Variants in ELAVL2 observed in about 807,000 individuals in gnomAD.
ELAVL2 encodes ELAV-like protein 2.
In ELAVL2, 4 loss-of-function variants were observed where a neutral mutation model predicts 34.6. That is an observed-to-expected ratio of 0.12 (90% confidence interval 0.06 to 0.26). ELAVL2 has a LOEUF of 0.26. ELAVL2 is among the 10% of genes least tolerant of loss of function. The pLI is 1.00. For synonymous variants in ELAVL2, 193 were observed against 154.8 expected, an observed-to-expected ratio of 1.25 and a Z score of -1.83; for missense variants, 432 against 442.8, an observed-to-expected ratio of 0.98 and a Z score of 0.22.
chr9:23,812,687 TAC>T (rs2063167930), intron 1 of ELAVL2, among the ~76,000 whole-genome samples: 1 of 150,886 alleles, frequency 6.6e-6, no homozygotes. Context: ...TTTAAAATCA[TAC>T]ACAGTTAATT....
At chr9:23,728,122 C>T (rs1438571373) in intron 3 of ELAVL2, among the ~76,000 whole-genome samples, 1 of 151,970 alleles carries the variant, frequency 6.6e-6, no homozygotes, top group Non-Finnish European at 1.5e-5. Flanking sequence ...ATTGTATGAC[C>T]ACCAAGATCT....
In ELAVL2 at chr9:23,751,878, G is replaced by C. The variant is rs115511581; in HGVS notation, c.229+10128C>G. On this transcript the variant is annotated intron_variant, in intron 2 of 6. Transcript: ENST00000397312. ...TCCGGTGCTCTAGTTCATAAAGGCT[G>C]GTGTAATATCATTAATCATCATTCT... Among the ~76,000 whole-genome samples the C allele has an allele frequency of 9.0e-3, 1,371 of 152,180 alleles. 16 individuals are homozygous for C. The highest frequency in any genetic ancestry group is 0.03 in the African/African-American group (1,258 of 41,536).
At chr9:23,698,056 C>T (rs183426413) in intron 5 of ELAVL2, among the ~76,000 whole-genome samples, 5 of 152,256 alleles carry the variant, frequency 3.3e-5, no homozygotes, top group Admixed American at 6.5e-5. Context: ...GCAACCAGTA[C>T]GTCATGCCTT....
intron 1 of ELAVL2, among the ~76,000 whole-genome samples, chr9:23,779,060 G>A (rs922516458): frequency 1.3e-5 from 2 of 152,146 alleles, no homozygotes; most frequent in Non-Finnish European, 2.9e-5. Context: ...GCAGTGAGTA[G>A]GGCAGCACAC....
At chr9:23,716,573 TGTC>T (rs1198338843) in intron 3 of ELAVL2, among the ~76,000 whole-genome samples, 1 of 152,202 alleles carries the variant, frequency 6.6e-6, no homozygotes, top group African/African-American at 2.4e-5. Context: ...AGGTCTTCAC[TGTC>T]TCTTATAAGC....
At chr9:23,766,477 T>G (rs1356587099) in intron 1 of ELAVL2, among the ~76,000 whole-genome samples, 1 of 152,100 alleles carries the variant, frequency 6.6e-6, no homozygotes, top group African/African-American at 2.4e-5. Context: ...TAAACATTGC[T>G]CACTACATAA....
intron 3 of ELAVL2, among the ~76,000 whole-genome samples, chr9:23,713,850 T>C (rs1259518538): frequency 1.3e-5 from 2 of 152,144 alleles, no homozygotes; most frequent in Non-Finnish European, 2.9e-5. Flanking sequence ...AACCCTCCCA[T>C]GTTAAGGAGT....
At chr9:23,748,173 G>A (rs1013111064) in intron 2 of ELAVL2, among the ~76,000 whole-genome samples, 2 of 151,266 alleles carry the variant, frequency 1.3e-5, no homozygotes, top group Non-Finnish European at 2.9e-5. Flanking sequence ...TTCCTTGAGG[G>A]GTAGGGGGAA....
intron 2 of ELAVL2, among the ~76,000 whole-genome samples, chr9:23,732,965 A>C (rs2046948025): frequency 6.6e-6 from 1 of 152,174 alleles, no homozygotes; most frequent in Non-Finnish European, 1.5e-5. Context: ...AAGTTAAATA[A>C]AAAAGATGCC....
intron 2 of ELAVL2, among the ~76,000 whole-genome samples, chr9:23,753,094 C>T (rs538840082): frequency 6.6e-6 from 1 of 152,228 alleles, no homozygotes; most frequent in East Asian, 1.9e-4. Flanking sequence ...AAAACAAATA[C>T]CTTAAGGACT....
chr9:23,742,929 G>C (rs1283702145), intron 2 of ELAVL2, among the ~76,000 whole-genome samples: 1 of 152,138 alleles, frequency 6.6e-6, no homozygotes, highest in East Asian at 1.9e-4. Context: ...TTCCAAAACA[G>C]ACTGATGGTG....
intron 2 of ELAVL2, among the ~76,000 whole-genome samples, 181 bp from the exon 3 acceptor site, chr9:23,731,306 C>T (rs1202352113): frequency 2.0e-5 from 3 of 151,724 alleles, no homozygotes; most frequent in Admixed American, 6.6e-5. Flanking sequence ...ACTACATTTT[C>T]AAGTTTTAGA....
intron 1 of ELAVL2, among the ~76,000 whole-genome samples, chr9:23,765,388 T>C (rs887365090): frequency 6.6e-6 from 1 of 152,076 alleles, no homozygotes; most frequent in African/African-American, 2.4e-5. Flanking sequence ...CTCAAAAATT[T>C]AAAAAATAAA....
chr9:23,707,040 C>G (rs987304274), intron 3 of ELAVL2, among the ~76,000 whole-genome samples: 8 of 152,148 alleles, frequency 5.3e-5, no homozygotes, highest in African/African-American at 1.9e-4. Flanking sequence ...CTGTCCTGTT[C>G]TACAGAAGAA....
At chr9:23,713,871 G>A (rs1287062830) in intron 3 of ELAVL2, among the ~76,000 whole-genome samples, 1 of 152,090 alleles carries the variant, frequency 6.6e-6, no homozygotes, top group Non-Finnish European at 1.5e-5. Flanking sequence ...AAAAACATAT[G>A]GTATGGAGTC....
chr9:23,845,267 T>G, the ELAVL2 span, among the ~76,000 whole-genome samples: 3,705 of 151,900 alleles, frequency 0.024, 106 homozygotes, highest in African/African-American at 0.073. Context: ...ATTATTTATA[T>G]AGACAGATTT....
chr9:23,704,935 A>G lies in ELAVL2; in HGVS notation c.470T>C (p.Leu157Pro). Residue 157 changes from leucine to proline, a missense_variant, in exon 4 of 7, where the codon CTT becomes CCT. Transcript: ENST00000397312. ...CTACTTACCAGTGACCTGGTCGACA[A>G]GAATACGAGAAGTAATAATGCGTCC... ...QYGRIITSRILVDQVTGISRG... is the reference protein window; with the variant it reads ...QYGRIITSRIPVDQVTGISRG... The G allele has an allele frequency of 1.2e-6, 2 of 1,614,150 alleles. No homozygotes were observed. Among genetic ancestry groups the G allele is most frequent in the Non-Finnish European group, 1.7e-6 (2 of 1,179,998 alleles).
intron 5 of ELAVL2, among the ~76,000 whole-genome samples, chr9:23,699,497 T>TA (rs1213220790): frequency 6.6e-6 from 1 of 152,134 alleles, no homozygotes; most frequent in African/African-American, 2.4e-5. Flanking sequence ...ACCAATACAT[T>TA]ATGAAGAACT....
intron 1 of ELAVL2, among the ~76,000 whole-genome samples, chr9:23,769,331 G>T (rs1588293657): frequency 6.6e-6 from 1 of 152,182 alleles, no homozygotes; most frequent in East Asian, 1.9e-4. Context: ...ATAGATGACA[G>T]CTGGGTAGGC....
Sources: gnomAD v4.1 joint callset for allele counts (sites outside exome capture counted in the v4.1 genomes callset) on GRCh38, gnomAD v4.1.1 for gene constraint, MANE v1.5 for transcripts, NCBI Gene and HGNC (gene_info 2026-07-23, HGNC 2026-07-21) for gene names.